Variants in NLRP4 observed in about 807,000 individuals in gnomAD.
The protein encoded by NLRP4 is NLR family pyrin domain containing 4, also known as NACHT, LRR and PYD domains-containing protein 4.
A neutral mutation model predicts 84.7 loss-of-function variants in NLRP4; 44 were observed. The ratio of observed to expected loss-of-function variants is 0.52; its 90% CI spans 0.41 to 0.67. The LOEUF (loss-of-function observed/expected upper bound fraction) is 0.67. Among genes scored for constraint, NLRP4 ranks in the 30% least tolerant of loss-of-function variants. NLRP4 has a pLI of 0.00. For synonymous variants in NLRP4, 544 were observed against 476.4 expected, an observed-to-expected ratio of 1.14 and a Z score of -1.85; for missense variants, 1,260 against 1,219.4, an observed-to-expected ratio of 1.03 and a Z score of -0.50.
chr19:55,846,690 G>A (rs1450021616), intron 1 of NLRP4, among the ~76,000 whole-genome samples: 7 of 152,080 alleles, frequency 4.6e-5, no homozygotes, highest in Non-Finnish European at 1.0e-4. Context: ...GGAAGGACCT[G>A]GGGATTTGCA....
intron 2 of NLRP4, among the ~76,000 whole-genome samples, chr19:55,855,225 A>G (rs1300245219): frequency 6.6e-6 from 1 of 152,242 alleles, no homozygotes; most frequent in South Asian, 2.1e-4. Context: ...AGTAATTTAT[A>G]TAAAGAAGAA....
At chr19:55,876,796 T>A (rs1568675384) in intron 7 of NLRP4, among the ~76,000 whole-genome samples, 200 bp from the exon 8 acceptor site, 1 of 152,216 alleles carries the variant, frequency 6.6e-6, no homozygotes, top group South Asian at 2.1e-4. Flanking sequence ...TTCGTTTGTA[T>A]TTTTTAGTGT....
At chr19:55,867,168 C>G (rs1276277588) in intron 5 of NLRP4, among the ~76,000 whole-genome samples, 2 of 148,020 alleles carry the variant, frequency 1.4e-5, no homozygotes, top group African/African-American at 2.5e-5. Context: ...AGACCATAAG[C>G]CAAGCATGCA....
chr19:55,837,447 G>A (rs1211702347), intron 1 of NLRP4, among the ~76,000 whole-genome samples: 3 of 152,146 alleles, frequency 2.0e-5, no homozygotes, highest in Non-Finnish European at 2.9e-5. Flanking sequence ...CCTACCTACA[G>A]GTGTAACTTG....
At chr19:55,867,389 G>C (rs1462360176) in intron 5 of NLRP4, among the ~76,000 whole-genome samples, 1 of 150,866 alleles carries the variant, frequency 6.6e-6, no homozygotes, top group Non-Finnish European at 1.5e-5. Flanking sequence ...AACTGAGACT[G>C]TGTGTCTCAG....
At chr19:55,880,008 A>G (rs557781261) in intron 9 of NLRP4, among the ~76,000 whole-genome samples, 29 of 152,108 alleles carry the variant, frequency 1.9e-4, no homozygotes, top group Middle Eastern at 3.2e-3. Flanking sequence ...TTACTAGATA[A>G]CTATAGAGTC....
chr19:55,870,709 A>G (rs1242702026), intron 6 of NLRP4, 118 bp from the exon 7 acceptor site: 3 of 692,332 alleles, frequency 4.3e-6, no homozygotes, highest in African/African-American at 1.8e-5. Flanking sequence ...CCAGAACTTC[A>G]TCTCAGCTGG....
rs1238188829 is a variant in NLRP4, at chr19:55,859,216, A to G, written c.1823A>G (p.Asn608Ser). The change falls in exon 3 of 10, where the codon AAT becomes AGT. Residue 608 changes from asparagine (N) to serine (S), a missense_variant. Transcript: ENST00000301295. ...SLRKLCFSVQNVFKKEDEHSS... is the reference protein window; with the variant it reads ...SLRKLCFSVQSVFKKEDEHSS... ...AGGAAACTCTGTTTTTCCGTTCAAA[A>G]TGTCTTTAAGAAAGAGGATGAACAC... 6 of 1,605,668 alleles carry G rather than the reference A, an allele frequency of 3.7e-6. No homozygotes were observed. The highest frequency in any genetic ancestry group is 5.1e-6 in the Non-Finnish European group (6 of 1,172,980).
At chr19:55,861,576 T>C (rs575141399) in intron 4 of NLRP4, 29 bp downstream of exon 4, 2 of 1,605,596 alleles carry the variant, frequency 1.2e-6, no homozygotes, top group Admixed American at 3.3e-5. Flanking sequence ...TCGACTCGAG[T>C]ATGTCACGGA....
chr19:55,838,106 G>T (rs994252168), intron 1 of NLRP4, among the ~76,000 whole-genome samples: 7 of 150,340 alleles, frequency 4.7e-5, no homozygotes, highest in Non-Finnish European at 5.9e-5. Flanking sequence ...ATCACCCGAG[G>T]TTGGGGGTTC....
chr19:55,878,904 C>G lies in NLRP4; in HGVS notation c.2807C>G (p.Thr936Arg). Reference protein sequence around the residue: ...LNLTLNTLDHTGVVVLCEALR... With the variant: ...LNLTLNTLDHRGVVVLCEALR... ...CTGACCTTGAACACCTTGGACCACA[C>G]AGGGGTGGTTGTACTCTGTGAGGCC... The change falls in exon 9 of 10, where the codon ACA becomes AGA. Residue 936 changes from threonine to arginine, a missense_variant. Coordinates refer to ENST00000301295, the MANE Select transcript of NLRP4 (RefSeq NM_134444.5). 1 of 1,614,024 alleles carries G rather than the reference C, an allele frequency of 6.2e-7. No homozygotes were observed. The highest frequency in any genetic ancestry group is 8.5e-7 in the Non-Finnish European group (1 of 1,179,906).
At position 55,872,742 on chromosome 19, in the gene NLRP4, G is replaced by A. The variant is rs73622494; in HGVS notation, c.2525+1745G>A. On this transcript the variant is annotated intron_variant, in intron 7 of 9. Coordinates refer to ENST00000301295, the MANE Select transcript of NLRP4 (RefSeq NM_134444.5). ...TGTTCTAACACACTTACTGGGAATC[G>A]CGGAAAGAGAAAATATTTTAAGAAG... Among the ~76,000 whole-genome samples the A allele has an allele frequency of 5.6e-3, 859 of 152,216 alleles. 7 individuals carry two copies. Among genetic ancestry groups the A allele is most frequent in the African/African-American group, 0.019 (804 of 41,528 alleles).
intron 1 of NLRP4, among the ~76,000 whole-genome samples, chr19:55,849,974 G>GCCGCGGTGTAATTTCCGAGA (rs1983981087): frequency 9.3e-6 from 1 of 107,524 alleles, no homozygotes; most frequent in East Asian, 3.2e-4. Flanking sequence ...AATTTCCGTA[G>GCCGCGGTGTAATTTCCGAGA]CTGCGGTGTA....
rs1475191205 is a variant in NLRP4, at chr19:55,877,041, C to T, written c.2571C>T (p.Ala857=). The change falls in exon 8 of 10, where the codon GCC becomes GCT. Residue 857 remains alanine (A), a synonymous_variant. Transcript: ENST00000301295. ...FITAAGCEDL[A]SALISNQNLK... Reference sequence around the variant, plus strand: ...CTGCTGCTGGCTGTGAAGACCTCGCCTCTGCTCTCATCAGCAATCAAAACC... The same window carrying T: ...CTGCTGCTGGCTGTGAAGACCTCGCTTCTGCTCTCATCAGCAATCAAAACC... The T allele has an allele frequency of 1.9e-6, 3 of 1,613,940 alleles. No individual in the cohort carries two copies. In the African/African-American group the frequency reaches 4.0e-5, roughly 22 times the overall value.
intron 5 of NLRP4, among the ~76,000 whole-genome samples, chr19:55,863,604 T>C (rs1017893828): frequency 1.3e-5 from 2 of 151,936 alleles, no homozygotes; most frequent in Non-Finnish European, 2.9e-5. Flanking sequence ...CCCAGGCCCC[T>C]CCTCCAACAC....
intron 6 of NLRP4, among the ~76,000 whole-genome samples, chr19:55,869,046 G>T (rs1985069736): frequency 6.6e-6 from 1 of 152,170 alleles, no homozygotes; most frequent in South Asian, 2.1e-4. Context: ...AAGGACAGTG[G>T]TGCCTGAGTG....
Position 55,870,848 on chromosome 19 carries a change from C to G in NLRP4, c.2376C>G (p.Ser792Arg), listed in dbSNP as rs371196816. 6.2e-7 allele frequency: 1 copy of G among 1,613,656 alleles called. No individual in the cohort carries two copies. Among genetic ancestry groups the G allele is most frequent in the East Asian group, 2.2e-5 (1 of 44,876 alleles). The change falls in exon 7 of 10, where the codon AGC (serine) becomes AGG (arginine). Residue 792 changes from serine to arginine, a missense_variant. By Grantham distance (110) the Ser-to-Arg change is moderately radical (BLOSUM62 -1). Around this residue, in one of 3 missense-constraint regions of NLRP4, gnomAD observed 544 missense variants for 531.7 expected, o/e 1.02. Transcript: ENST00000301295. The part of the protein sequence containing the change: ...VYLMLAFCHL[S>R]EQCCEYISEM... The stretch of plus-strand genomic sequence containing the variant: ...ATAGGTTGGCTTTCTGCCACCTCAG[C>G]GAGCAGTGCTGCGAATACATCTCTG...
intron 1 of NLRP4, among the ~76,000 whole-genome samples, chr19:55,842,180 G>A (rs889600664): frequency 2.0e-5 from 3 of 152,160 alleles, no homozygotes; most frequent in African/African-American, 4.8e-5. Context: ...TTCAACTTTC[G>A]TTTTTCCGTT....
At chr19:55,838,834 A>G (rs1983496235) in intron 1 of NLRP4, among the ~76,000 whole-genome samples, 1 of 152,174 alleles carries the variant, frequency 6.6e-6, no homozygotes, top group South Asian at 2.1e-4. Context: ...ACACTATATA[A>G]AAAACAGGAA....
Sources: gnomAD v4.1 joint callset for allele counts (sites outside exome capture counted in the v4.1 genomes callset) on GRCh38, gnomAD v4.1.1 for gene constraint, gnomAD v4.1.1 regional missense constraint, MANE v1.5 for transcripts, NCBI Gene and HGNC (gene_info 2026-07-23, HGNC 2026-07-21) for gene names.